The following ATP10B variants were observed in gnomAD, a reference collection of about 807,000 sequenced individuals.
ATP10B encodes phospholipid-transporting ATPase VB.
A neutral mutation model predicts 141.2 loss-of-function variants in ATP10B; 122 were observed. The ratio of observed to expected loss-of-function variants is 0.86; its 90% CI spans 0.75 to 1.00. The LOEUF is 1.00. Among genes scored for constraint, ATP10B ranks in the 50% least tolerant of loss-of-function variants. The probability of loss-of-function intolerance (pLI) is 0.00; values close to 1 mark genes in which losing one functional copy is unlikely to be tolerated. For synonymous variants in ATP10B, 685 were observed against 692.0 expected (o/e 0.99, Z 0.16); for missense variants, 1,876 against 1,825.3 (o/e 1.03, Z -0.51).
chr5:160,678,923 G>A (rs1384294019), intron 6 of ATP10B, among the ~76,000 whole-genome samples: 3 of 152,194 alleles, frequency 2.0e-5, no homozygotes, highest in Non-Finnish European at 4.4e-5. Flanking sequence ...TACTCACCCT[G>A]TGGCATTGCA....
At chr5:160,783,593 ACACAT>A (rs1457078299) in intron 2 of ATP10B, among the ~76,000 whole-genome samples, 1 of 111,368 alleles carries the variant, frequency 9.0e-6, no homozygotes, top group East Asian at 5.1e-4. Flanking sequence ...ACACACACAC[ACACAT>A]ACACACACAC....
At chr5:160,730,290 AG>A (rs1399515690) in intron 2 of ATP10B, among the ~76,000 whole-genome samples, 1 of 152,146 alleles carries the variant, frequency 6.6e-6, no homozygotes, top group Non-Finnish European at 1.5e-5. Context: ...ATGAGATTCA[AG>A]TCTGTGTTCT....
Position 160,564,598 on chromosome 5 carries a change from G to GT in ATP10B, c.*854dup, listed in dbSNP as rs891009228. ...GTGCTTATATCTCCTGATTTACAGG[G>GT]TTTTTTGCTTTTGTTCTAAGAGCTG... On this transcript the variant is annotated 3_prime_UTR_variant, in exon 26 of 26. Transcript: ENST00000327245. The GT allele has an allele frequency of 9.2e-5, 14 of 152,090 alleles. No individual in the cohort carries two copies. The highest frequency in any genetic ancestry group is 3.4e-4 in the African/African-American group (14 of 41,398). 9.4% of individuals were successfully genotyped at this position (152,090 alleles called of 1,614,324 possible). A position where few individuals can be genotyped will look rare whatever the true frequency, so the allele number is the denominator to read the frequency against.
intron 1 of ATP10B, among the ~76,000 whole-genome samples, chr5:160,797,738 C>T (rs1263333856): frequency 8.3e-6 from 1 of 121,044 alleles, no homozygotes; most frequent in African/African-American, 3.2e-5. Context: ...AGAAAATGCA[C>T]AAACACAAAC....
chr5:160,566,135 T>C (rs1237222893), intron 25 of ATP10B, among the ~76,000 whole-genome samples: 1 of 152,196 alleles, frequency 6.6e-6, no homozygotes, highest in Non-Finnish European at 1.5e-5. Flanking sequence ...CTTTATGTAT[T>C]ATTAACTCAT....
the ATP10B span, among the ~76,000 whole-genome samples, chr5:160,900,205 C>A: frequency 6.6e-6 from 1 of 152,170 alleles, no homozygotes; most frequent in African/African-American, 2.4e-5. Context: ...ATGGACAAGA[C>A]ATCCCTACCC....
At chr5:160,680,821 C>A (rs1581343738) in intron 6 of ATP10B, among the ~76,000 whole-genome samples, 1 of 152,164 alleles carries the variant, frequency 6.6e-6, no homozygotes, top group Non-Finnish European at 1.5e-5. Context: ...TAGGGATGAA[C>A]AAGTGAGGCC....
chr5:160,907,176 C>T, the ATP10B span, among the ~76,000 whole-genome samples: 1 of 152,102 alleles, frequency 6.6e-6, no homozygotes, highest in African/African-American at 2.4e-5. Flanking sequence ...TAATCTGGTT[C>T]TTCGGCCTTC....
At chr5:160,709,740 C>A in intron 3 of ATP10B, among the ~76,000 whole-genome samples, 1 of 44,428 alleles carries the variant, frequency 2.3e-5, no homozygotes, top group African/African-American at 8.9e-5. Flanking sequence ...GGTATATCTC[C>A]CAATGCTATC....
chr5:160,865,183 G>C, the ATP10B span, among the ~76,000 whole-genome samples: 1 of 152,176 alleles, frequency 6.6e-6, no homozygotes, highest in African/African-American at 2.4e-5. Context: ...GTACTATAAG[G>C]CTATAGTTAC....
chr5:160,664,114 C>T (rs1252256268), intron 7 of ATP10B, among the ~76,000 whole-genome samples: 1 of 152,124 alleles, frequency 6.6e-6, no homozygotes, highest in African/African-American at 2.4e-5. Flanking sequence ...AACATTTAAG[C>T]ACTGATCAAC....
At chr5:160,630,065 A>C (rs1758839906) in intron 13 of ATP10B, among the ~76,000 whole-genome samples, 1 of 152,176 alleles carries the variant, frequency 6.6e-6, no homozygotes, top group Non-Finnish European at 1.5e-5. Flanking sequence ...CCTCAAAACT[A>C]CTCAAAAATA....
At chr5:160,731,510 T>G (rs1367631229) in intron 2 of ATP10B, among the ~76,000 whole-genome samples, 1 of 152,234 alleles carries the variant, frequency 6.6e-6, no homozygotes, top group African/African-American at 2.4e-5. Flanking sequence ...AGTTGTAGAA[T>G]CTGGTCAAGT....
intron 2 of ATP10B, among the ~76,000 whole-genome samples, chr5:160,743,248 A>G (rs1219684098): frequency 1.3e-5 from 2 of 152,194 alleles, no homozygotes; most frequent in Non-Finnish European, 2.9e-5. Flanking sequence ...CTGATTATGC[A>G]GTTTCAACTC....
the ATP10B span, among the ~76,000 whole-genome samples, chr5:160,874,068 C>A: frequency 1.6e-4 from 25 of 152,092 alleles, no homozygotes; most frequent in African/African-American, 4.8e-4. Flanking sequence ...CTGTAGGCTC[C>A]ACCACTGGGG....
intron 22 of ATP10B, among the ~76,000 whole-genome samples, chr5:160,592,876 T>G (rs1756417387): frequency 6.6e-6 from 1 of 152,214 alleles, no homozygotes; most frequent in Non-Finnish European, 1.5e-5. Context: ...GCGCCTGCCA[T>G]TGCCCATGCT....
At chr5:160,684,704 C>T (rs1477895429) in intron 6 of ATP10B, 6 of 584,744 alleles carry the variant, frequency 1.0e-5, no homozygotes, top group African/African-American at 1.9e-5. Context: ...CTGTAGAGAA[C>T]TGAACAGCTT....
rs780281473 is a variant in ATP10B, at chr5:160,634,631, T to C, written c.1129-25A>G. 14 of 1,572,482 alleles carry C rather than the reference T, an allele frequency of 8.9e-6. No individual in the cohort carries two copies. In the East Asian group the frequency reaches 2.5e-4, roughly 28 times the overall value. ...CCTGAAAAGAGATGAGTTTCTACCA[T>C]TCAGAAACCAGGCAGGTTCCCTCCC... On this transcript the variant is annotated intron_variant, in intron 11 of 25. Coordinates refer to ENST00000327245, the MANE Select transcript of ATP10B (RefSeq NM_025153.3).
chr5:160,735,857 A>T (rs567515736), intron 2 of ATP10B, among the ~76,000 whole-genome samples: 3 of 152,304 alleles, frequency 2.0e-5, no homozygotes, highest in East Asian at 3.9e-4. Context: ...AACTTTGTAA[A>T]CACAGGGAAA....
Sources: gnomAD v4.1 joint callset for allele counts (sites outside exome capture counted in the v4.1 genomes callset) on GRCh38, gnomAD v4.1.1 for gene constraint, MANE v1.5 for transcripts, NCBI Gene and HGNC (gene_info 2026-07-23, HGNC 2026-07-21) for gene names.